MAN1A1: variants seen among roughly 807,000 people sequenced by gnomAD.
MAN1A1 encodes the protein mannosidase alpha class 1A member 1, also known as mannosyl-oligosaccharide 1,2-alpha-mannosidase IA.
MAN1A1 carries 29 observed loss-of-function variants against 70.8 expected under a neutral mutation model. The observed-to-expected ratio is 0.41, with a 90% CI of 0.31 to 0.56. The LOEUF (loss-of-function observed/expected upper bound fraction) is 0.56, where lower values mean the gene tolerates loss of function less well. Among genes scored for constraint, MAN1A1 ranks in the 20% least tolerant of loss-of-function variants. MAN1A1 has a pLI of 0.29. For synonymous variants in MAN1A1, 349 were observed against 330.1 expected (o/e 1.06, Z -0.62); for missense variants, 747 against 841.3 (o/e 0.89, Z 1.39).
At chr6:119,260,994 T>TTTTTTTTTTTTTTA (rs1775595394) in intron 5 of MAN1A1, among the ~76,000 whole-genome samples, 1 of 117,370 alleles carries the variant, frequency 8.5e-6, no homozygotes, top group Admixed American at 8.5e-5. Context: ...TTTTTTTTTT[T>TTTTTTTTTTTTTTA]TTGAGATGGA....
At position 119,223,107 on chromosome 6, in the gene MAN1A1, A is replaced by G. The variant is rs554256696; in HGVS notation, c.993-18225T>C. Among the ~76,000 whole-genome samples the G allele has an allele frequency of 4.6e-5, 7 of 152,250 alleles. No homozygotes were observed. The East Asian group carries it at 1.2e-3, about 25-fold the overall frequency. On this transcript the variant is annotated intron_variant, in intron 6 of 12. Transcript: ENST00000368468. ...AGAATATTTTAGAATGAATATTTAGAATATTCATTCTAAAATATTTTGTGA... is the reference window on the plus strand; with the variant it reads ...AGAATATTTTAGAATGAATATTTAGGATATTCATTCTAAAATATTTTGTGA...
intron 2 of MAN1A1, among the ~76,000 whole-genome samples, chr6:119,344,740 A>G (rs1030657697): frequency 6.6e-6 from 1 of 152,270 alleles, no homozygotes; most frequent in Non-Finnish European, 1.5e-5. Context: ...AAAAGGGTAT[A>G]AACTGTCAAT....
chr6:119,251,976 CTT>C (rs1456326718), intron 5 of MAN1A1, among the ~76,000 whole-genome samples: 1 of 152,158 alleles, frequency 6.6e-6, no homozygotes, highest in Non-Finnish European at 1.5e-5. Context: ...CTCGAGAGGT[CTT>C]TTCCTAACCA....
Position 119,193,696 on chromosome 6 carries a change from C to A in MAN1A1, c.1326+81G>T, listed in dbSNP as rs1441497176. 7 of 861,744 alleles carry A rather than the reference C, an allele frequency of 8.1e-6. No individual in the cohort carries two copies. In the Admixed American group the frequency reaches 1.6e-4, roughly 19 times the overall value. The allele number at this position is 861,744 out of a possible 1,614,324, so 53.4% of individuals were successfully genotyped here. On this transcript the variant is annotated intron_variant, in intron 9 of 12. Transcript: ENST00000368468. ...CTTTGTAACTCACTCATGTAGTATACCACTTATTCATTAAAACTTGATTAA... is the reference window on the plus strand; with the variant it reads ...CTTTGTAACTCACTCATGTAGTATAACACTTATTCATTAAAACTTGATTAA...
At chr6:119,349,961 C>G (rs1324836994), upstream of MAN1A1, among the ~76,000 whole-genome samples, 1 of 151,960 alleles carries the variant, frequency 6.6e-6, no homozygotes, top group African/African-American at 2.4e-5. Flanking sequence ...GGTCGCGGGG[C>G]CGGGAGGCGC....
At chr6:119,202,120 A>C (rs954840616) in intron 7 of MAN1A1, among the ~76,000 whole-genome samples, 2 of 152,138 alleles carry the variant, frequency 1.3e-5, no homozygotes, top group Non-Finnish European at 2.9e-5. Context: ...TTACTTTATA[A>C]ACTTTTTAAT....
At chr6:119,280,056 C>G (rs1215567520) in intron 5 of MAN1A1, among the ~76,000 whole-genome samples, 1 of 152,228 alleles carries the variant, frequency 6.6e-6, no homozygotes, top group Non-Finnish European at 1.5e-5. Flanking sequence ...ACTTCCCAGA[C>G]CACGACTTCT....
At chr6:119,297,145 C>A (rs915853530) in intron 4 of MAN1A1, among the ~76,000 whole-genome samples, 7 of 152,240 alleles carry the variant, frequency 4.6e-5, no homozygotes, top group African/African-American at 1.7e-4. Flanking sequence ...AACCCTTGAT[C>A]ATTTGTTCTT....
At chr6:119,348,257 G>C (rs1479822831) in intron 2 of MAN1A1, among the ~76,000 whole-genome samples, 1 of 152,248 alleles carries the variant, frequency 6.6e-6, no homozygotes, top group Non-Finnish European at 1.5e-5. Flanking sequence ...AAAGCAACGA[G>C]ATTTGACCTT....
At chr6:119,182,406 C>A (rs913149445) in intron 11 of MAN1A1, among the ~76,000 whole-genome samples, 1 of 151,792 alleles carries the variant, frequency 6.6e-6, no homozygotes, top group Non-Finnish European at 1.5e-5. Context: ...GTTTTTGGGT[C>A]GAATCCAAAA....
At chr6:119,314,434 A>G (rs1772796460) in intron 2 of MAN1A1, among the ~76,000 whole-genome samples, 1 of 152,216 alleles carries the variant, frequency 6.6e-6, no homozygotes, top group Non-Finnish European at 1.5e-5. Context: ...ACCACACTGC[A>G]CTGTGAGGGG....
chr6:119,197,045 ACACCTGTAATCC>A, intron 8 of MAN1A1, among the ~76,000 whole-genome samples: 2 of 152,314 alleles, frequency 1.3e-5, no homozygotes, highest in Middle Eastern at 3.4e-3. Context: ...GTGGTGTTTC[ACACCTGTAATCC>A]CAGAACATTG....
intron 4 of MAN1A1, among the ~76,000 whole-genome samples, chr6:119,297,203 GAAATAGGTTAGGT>G (rs1772239363): frequency 6.6e-6 from 1 of 152,112 alleles, no homozygotes; most frequent in Non-Finnish European, 1.5e-5. Context: ...ATCTGTTCTG[GAAATAGGTTAGGT>G]AATAACAGGT....
At chr6:119,277,374 A>G (rs1025886893) in intron 5 of MAN1A1, among the ~76,000 whole-genome samples, 2 of 152,238 alleles carry the variant, frequency 1.3e-5, no homozygotes, top group Non-Finnish European at 2.9e-5. Context: ...AATCTACATC[A>G]TAAAGTGATA....
At chr6:119,185,528 G>C (rs1434513738) in intron 11 of MAN1A1, among the ~76,000 whole-genome samples, 2 of 152,272 alleles carry the variant, frequency 1.3e-5, no homozygotes, top group Non-Finnish European at 2.9e-5. Flanking sequence ...GTGACTCAAC[G>C]GTAGCAAATG....
rs3798607 is a variant in MAN1A1 at position 119,200,980 on chromosome 6, A to T, written c.1210+274T>A. 5.6e-3 allele frequency among the ~76,000 whole-genome samples: 855 copies of T among 152,250 alleles called. 26 individuals are homozygous for T. The East Asian group carries it at 0.081, about 14-fold the overall frequency. ...CACATGACCAGCTTGTTACAGATTAACATCCCCACACTACTCTGGCCAGAT... is the reference window on the plus strand; with the variant it reads ...CACATGACCAGCTTGTTACAGATTATCATCCCCACACTACTCTGGCCAGAT... On this transcript the variant is annotated intron_variant, in intron 8 of 12. Coordinates refer to ENST00000368468, the MANE Select transcript of MAN1A1 (RefSeq NM_005907.4).
At chr6:119,272,953 C>G (rs1271360183) in intron 5 of MAN1A1, among the ~76,000 whole-genome samples, 1 of 151,988 alleles carries the variant, frequency 6.6e-6, no homozygotes, top group African/African-American at 2.4e-5. Flanking sequence ...AAACAACCTT[C>G]TAAGATGGAA....
chr6:119,326,924 T>C (rs778153980), intron 2 of MAN1A1, among the ~76,000 whole-genome samples: 24 of 152,336 alleles, frequency 1.6e-4, no homozygotes, highest in Non-Finnish European at 2.9e-4. Flanking sequence ...GCTCTACGTA[T>C]GCAAGTGACT....
At chr6:119,277,990 A>T (rs9489653) in intron 5 of MAN1A1, among the ~76,000 whole-genome samples, 50,538 of 111,370 alleles carry the variant, frequency 0.45, 10,803 homozygotes, top group Non-Finnish European at 0.5. Flanking sequence ...AATAAATAAA[A>T]AAAAAGTAAT....
Sources: allele counts gnomAD v4.1 joint callset (sites outside exome capture counted in the v4.1 genomes callset), GRCh38; gene constraint gnomAD v4.1.1; transcripts MANE v1.5; gene names NCBI Gene and HGNC (gene_info 2026-07-23, HGNC 2026-07-21).